The following EXT1 variants were observed in gnomAD, a reference collection of about 807,000 sequenced individuals.
The protein encoded by EXT1 is exostosin glycosyltransferase 1.
In EXT1, 20 loss-of-function variants were observed where a neutral mutation model predicts 82.5. That is an observed-to-expected ratio of 0.24 (90% CI 0.17 to 0.35). The LOEUF (loss-of-function observed/expected upper bound fraction) is 0.35. Ranked by LOEUF, EXT1 falls within the 10% of genes least tolerant of loss-of-function variation. The probability of loss-of-function intolerance (pLI) is 1.00; values close to 1 mark genes in which losing one functional copy is unlikely to be tolerated. For synonymous variants in EXT1, 348 were observed against 350.8 expected, an observed-to-expected ratio of 0.99 and a Z score of 0.09; for missense variants, 757 against 936.5, an observed-to-expected ratio of 0.81 and a Z score of 2.50.
At chr8:117,988,150 C>A (rs1815358750) in intron 1 of EXT1, among the ~76,000 whole-genome samples, 1 of 152,174 alleles carries the variant, frequency 6.6e-6, no homozygotes, top group Non-Finnish European at 1.5e-5. Context: ...ATACTCTTTG[C>A]CTTAATTTTC....
intron 1 of EXT1, among the ~76,000 whole-genome samples, chr8:118,051,101 C>T (rs1375157017): frequency 2.0e-5 from 3 of 152,048 alleles, no homozygotes; most frequent in South Asian, 2.1e-4. Flanking sequence ...TTTGGGAAGC[C>T]GAGGTGGGTG....
intron 1 of EXT1, among the ~76,000 whole-genome samples, chr8:118,096,930 T>C (rs114997512): frequency 1.0e-3 from 152 of 152,272 alleles, no homozygotes; most frequent in African/African-American, 3.5e-3. Context: ...TTCCCTTCGG[T>C]TAAATAAATG....
chr8:118,011,636 C>T (rs772418375), intron 1 of EXT1, among the ~76,000 whole-genome samples: 9 of 152,092 alleles, frequency 5.9e-5, no homozygotes, highest in African/African-American at 9.7e-5. Context: ...CACCCAAAGT[C>T]GCATATGTGG....
chr8:117,944,854 C>T (rs959924041), intron 1 of EXT1, among the ~76,000 whole-genome samples: 1 of 152,118 alleles, frequency 6.6e-6, no homozygotes, highest in Non-Finnish European at 1.5e-5. Flanking sequence ...CAGGTCTATG[C>T]TCAGTGCTAA....
intron 1 of EXT1, among the ~76,000 whole-genome samples, chr8:118,066,169 C>T (rs1816982749): frequency 6.6e-6 from 1 of 152,106 alleles, no homozygotes; most frequent in Non-Finnish European, 1.5e-5. Context: ...ATCTGTCACC[C>T]GCAAGACAGC....
intron 4 of EXT1, among the ~76,000 whole-genome samples, chr8:117,824,260 G>T (rs938108458): frequency 6.6e-6 from 1 of 152,096 alleles, no homozygotes; most frequent in African/African-American, 2.4e-5. Context: ...CACAAAATGG[G>T]TCATCATTCC....
intron 1 of EXT1, among the ~76,000 whole-genome samples, chr8:118,089,785 G>A (rs1817489878): frequency 6.6e-6 from 1 of 152,208 alleles, no homozygotes; most frequent in Non-Finnish European, 1.5e-5. Flanking sequence ...GACAGTAGGA[G>A]GTTTTACATA....
chr8:117,964,783 G>A (rs541240958), intron 1 of EXT1, among the ~76,000 whole-genome samples: 4 of 152,132 alleles, frequency 2.6e-5, no homozygotes, highest in African/African-American at 9.6e-5. Flanking sequence ...GATTACAGGC[G>A]TGTGCCACCA....
At chr8:118,076,858 A>G (rs1817221803) in intron 1 of EXT1, among the ~76,000 whole-genome samples, 1 of 152,188 alleles carries the variant, frequency 6.6e-6, no homozygotes, top group Non-Finnish European at 1.5e-5. Flanking sequence ...GAAAATCAAG[A>G]ATTATTAATG....
At chr8:117,973,154 T>C (rs1365438036) in intron 1 of EXT1, among the ~76,000 whole-genome samples, 1 of 152,194 alleles carries the variant, frequency 6.6e-6, no homozygotes, top group Non-Finnish European at 1.5e-5. Context: ...TGTGTGGAAG[T>C]GAAATCTCTC....
chr8:117,826,229 C>T (rs1265289467), intron 4 of EXT1, among the ~76,000 whole-genome samples: 1 of 152,158 alleles, frequency 6.6e-6, no homozygotes, highest in Non-Finnish European at 1.5e-5. Context: ...AACAACCTGA[C>T]CCTGGCATTG....
At chr8:117,957,732 T>C (rs1011740163) in intron 1 of EXT1, among the ~76,000 whole-genome samples, 1 of 152,216 alleles carries the variant, frequency 6.6e-6, no homozygotes, top group East Asian at 1.9e-4. Context: ...TTTTGTACTT[T>C]AAGAAAAATT....
chr8:118,004,380 C>T (rs1334032478), intron 1 of EXT1, among the ~76,000 whole-genome samples: 2 of 152,146 alleles, frequency 1.3e-5, no homozygotes, highest in East Asian at 3.8e-4. Flanking sequence ...ACATTTAGCT[C>T]CTCAATGAAT....
rs558164824 is a variant in EXT1 at position 118,090,076 on chromosome 8, A to T, written c.962+20009T>A. ...AATTCCATCCTTTTCAGTGGTGGTG[A>T]GAGGTGCCAGGTGCTATTCTGCAGA... On this transcript the variant is annotated intron_variant, in intron 1 of 10. Coordinates refer to ENST00000378204, the MANE Select transcript of EXT1 (RefSeq NM_000127.3). Among the ~76,000 whole-genome samples, 71 of 152,146 alleles carry T rather than the reference A, an allele frequency of 4.7e-4. 1 individual carries two copies. Among genetic ancestry groups the T allele is most frequent in the South Asian group, 1.4e-3 (7 of 4,830 alleles).
intron 7 of EXT1, 26 bp downstream of exon 7, chr8:117,818,409 A>C: frequency 1.2e-6 from 2 of 1,602,818 alleles, no homozygotes; most frequent in South Asian, 2.2e-5. Flanking sequence ...CAGTGGTTCC[A>C]CATATAGGTC....
chr8:118,086,116 A>G (rs1032831123), intron 1 of EXT1, among the ~76,000 whole-genome samples: 4 of 152,338 alleles, frequency 2.6e-5, no homozygotes, highest in Admixed American at 2.6e-4. Context: ...ATAAATGAAT[A>G]AAAAGGTGGG....
intron 1 of EXT1, among the ~76,000 whole-genome samples, chr8:117,963,543 T>G (rs1181272883): frequency 6.6e-6 from 1 of 152,172 alleles, no homozygotes; most frequent in Non-Finnish European, 1.5e-5. Context: ...CAGGCTGGAC[T>G]GCAGTGCCAG....
intron 1 of EXT1, among the ~76,000 whole-genome samples, chr8:117,968,179 G>A (rs1814861383): frequency 6.6e-6 from 1 of 152,046 alleles, no homozygotes; most frequent in Non-Finnish European, 1.5e-5. Flanking sequence ...GATCATAGCT[G>A]ACTGTGGCCT....
intron 1 of EXT1, among the ~76,000 whole-genome samples, chr8:118,012,561 A>C (rs539294369): frequency 8.7e-4 from 132 of 152,356 alleles, no homozygotes; most frequent in African/African-American, 3.1e-3. Flanking sequence ...AGCACAGTGC[A>C]CTAAGAACAG....
Sources: gnomAD v4.1 joint callset for allele counts (sites outside exome capture counted in the v4.1 genomes callset) on GRCh38, gnomAD v4.1.1 for gene constraint, MANE v1.5 for transcripts, NCBI Gene and HGNC (gene_info 2026-07-23, HGNC 2026-07-21) for gene names.